SLC22A17: variants seen among roughly 807,000 people sequenced by gnomAD.
SLC22A17 encodes the protein 24p3 receptor.
A neutral mutation model predicts 53.6 loss-of-function variants in SLC22A17; 38 were observed. That is an observed-to-expected ratio of 0.71 (90% CI 0.55 to 0.93). The LOEUF (loss-of-function observed/expected upper bound fraction) is 0.93. Ranked by LOEUF, SLC22A17 falls within the 40% of genes least tolerant of loss-of-function variation. The pLI is 0.00. For synonymous variants in SLC22A17, 379 were observed against 353.0 expected (o/e 1.07, Z -0.82); for missense variants, 704 against 791.0 (o/e 0.89, Z 1.32).
In SLC22A17 at chr14:23,348,199, C is replaced by T. The variant is rs1169765987; in HGVS notation, c.1133G>A (p.Gly378Glu). Residue 378 changes from glycine to glutamate, a missense_variant, in exon 6 of 10, where the codon GGG becomes GAG. Physicochemically the swap from Gly to Glu is moderately conservative, Grantham distance 98. This residue lies in a region of SLC22A17 where 435 missense variants were observed against 529.0 expected (regional missense o/e 0.82). Coordinates refer to ENST00000397267, the Ensembl canonical transcript of SLC22A17. This position sits in a 1 kb window ranked among gnomAD's most constrained non-coding sequence, Gnocchi z 4.5. Reference sequence around the variant, plus strand: ...CTGGGCCTCCTCCCCCAGCATCTGCCCATGGGGCCGGTTTCGCTCAGCCAG... The same window carrying T: ...CTGGGCCTCCTCCCCCAGCATCTGCTCATGGGGCCGGTTTCGCTCAGCCAG... The T allele has an allele frequency of 1.4e-5, 22 of 1,614,150 alleles. No individual in the cohort carries two copies. The highest frequency in any genetic ancestry group is 1.8e-5 in the Non-Finnish European group (21 of 1,180,008).
At position 23,352,468 on chromosome 14, in the gene SLC22A17, G is replaced by A. The variant is rs1889703556; in HGVS notation, c.97-17C>T. On this transcript the variant is annotated splice_polypyrimidine_tract_variant and intron_variant, in intron 1 of 9. Coordinates refer to ENST00000397267, the Ensembl canonical transcript of SLC22A17. This position sits in a 1 kb window ranked among gnomAD's most constrained non-coding sequence, Gnocchi z 7.2. ...CCCGACCTGCTGTTGGGGGGCAGGG[G>A]GTGGCAGGAGAAGGGTGAAGCGGAG... The A allele has an allele frequency of 6.8e-6, 3 of 443,636 alleles. No homozygotes were observed. The highest frequency in any genetic ancestry group is 2.0e-5 in the African/African-American group (1 of 48,816). The allele number at this position is 443,636 out of a possible 1,614,324, so 27.5% of individuals were successfully genotyped here.
rs1889432378 is a variant in SLC22A17 at position 23,348,921 on chromosome 14, A to G, written c.860-250T>C. ...TCCTGGGTGAGTGTTCAACATTTCCAATTTATAGGCCCTTTCCCATCAGGC... is the reference window on the plus strand; with the variant it reads ...TCCTGGGTGAGTGTTCAACATTTCCGATTTATAGGCCCTTTCCCATCAGGC... On this transcript the variant is annotated intron_variant, in intron 4 of 9. Transcript: ENST00000397267. The surrounding 1 kb of genome is among the most constrained non-coding windows in gnomAD (Gnocchi z 4.5). The G allele has an allele frequency of 3.4e-6, 2 of 595,656 alleles. No homozygotes were observed. Among genetic ancestry groups the G allele is most frequent in the Non-Finnish European group, 5.9e-6 (2 of 337,258 alleles). 36.9% of individuals were successfully genotyped at this position (595,656 alleles called of 1,614,324 possible).
chr14:23,347,002 C>T lies in SLC22A17; in HGVS notation c.1662-66G>A. 6.7e-7 allele frequency: 1 copy of T among 1,497,564 alleles called. No homozygotes were observed. The highest frequency in any genetic ancestry group is 8.9e-7 in the Non-Finnish European group (1 of 1,122,948). 92.8% of individuals were successfully genotyped at this position (1,497,564 alleles called of 1,614,324 possible). On this transcript the variant is annotated intron_variant, in intron 9 of 9. Coordinates refer to ENST00000397267, the Ensembl canonical transcript of SLC22A17. This position sits in a 1 kb window ranked among gnomAD's most constrained non-coding sequence, Gnocchi z 5.1. Reference sequence around the variant, plus strand: ...CCTTGCTGGGCCCTTCTCCCGCAGCCCCCCTCCTCCAGCCCGCAGGCCCTG... The same window carrying T: ...CCTTGCTGGGCCCTTCTCCCGCAGCTCCCCTCCTCCAGCCCGCAGGCCCTG...
At position 23,348,920 on chromosome 14, in the gene SLC22A17, C is replaced by T. The variant is rs1595009607; in HGVS notation, c.860-249G>A. ...GTCCTGGGTGAGTGTTCAACATTTCCAATTTATAGGCCCTTTCCCATCAGG... is the reference window on the plus strand; with the variant it reads ...GTCCTGGGTGAGTGTTCAACATTTCTAATTTATAGGCCCTTTCCCATCAGG... On this transcript the variant is annotated intron_variant, in intron 4 of 9. Transcript: ENST00000397267. The surrounding 1 kb of genome is among the most constrained non-coding windows in gnomAD (Gnocchi z 4.5). 5.0e-6 allele frequency: 3 copies of T among 596,344 alleles called. No homozygotes were observed. Among genetic ancestry groups the T allele is most frequent in the East Asian group, 5.6e-5 (2 of 35,906 alleles). 36.9% of individuals were successfully genotyped at this position (596,344 alleles called of 1,614,324 possible). A position where few individuals can be genotyped will look rare whatever the true frequency, so the allele number is the denominator to read the frequency against.
intron 3 of SLC22A17, 92 bp downstream of exon 3, chr14:23,351,660 C>G: frequency 9.8e-7 from 1 of 1,017,376 alleles, no homozygotes; most frequent in Non-Finnish European, 1.5e-6. Flanking sequence ...TCCAGCGAAT[C>G]GTCTTCGACC....
Position 23,347,393 on chromosome 14 carries a change from G to A in SLC22A17, c.1549+67C>T. 6.4e-7 allele frequency: 1 copy of A among 1,570,564 alleles called. No individual in the cohort carries two copies. The highest frequency in any genetic ancestry group is 8.6e-7 in the Non-Finnish European group (1 of 1,157,126). On this transcript the variant is annotated intron_variant, in intron 8 of 9. Transcript: ENST00000397267. This position sits in a 1 kb window ranked among gnomAD's most constrained non-coding sequence, Gnocchi z 5.1. ...CCAGGTGGAGGCTCGTGGAAGAGCT[G>A]GGCAGGGTCTGGGGCTTGTCTTGGG...
In SLC22A17 at chr14:23,347,550, C is replaced by A; in HGVS notation, c.1459G>T (p.Gly487Cys). The change falls in exon 8 of 10, where the codon GGC becomes TGC. Residue 487 changes from glycine to cysteine, a missense_variant. By Grantham distance (159) the Gly-to-Cys change is radical (BLOSUM62 -3). This residue lies in a region of SLC22A17 where 435 missense variants were observed against 529.0 expected (regional missense o/e 0.82). Transcript: ENST00000397267. The surrounding 1 kb of genome is among the most constrained non-coding windows in gnomAD (Gnocchi z 5.1). ...CCCAGCAGGACCAGGGAAGCAATGC[C>A]GGTAAGGGTCATGGAGAGAAGAAGG... is the stretch of plus-strand genomic sequence containing the variant. The A allele has an allele frequency of 6.2e-7, 1 of 1,614,044 alleles. No individual in the cohort carries two copies. Among genetic ancestry groups the A allele is most frequent in the South Asian group, 1.1e-5 (1 of 91,088 alleles).
Position 23,348,476 on chromosome 14 carries a change from G to A in SLC22A17, c.1025+30C>T, listed in dbSNP as rs1169233061. 6.2e-7 allele frequency: 1 copy of A among 1,604,170 alleles called. No individual in the cohort carries two copies. The highest frequency in any genetic ancestry group is 2.2e-5 in the East Asian group (1 of 44,758). ...TAGTTTGGAGGCAGAGATGGGAATT[G>A]CCAGACGACAGGTGAAGGGTAATAC... On this transcript the variant is annotated intron_variant, in intron 5 of 9. Transcript: ENST00000397267. The surrounding 1 kb of genome is among the most constrained non-coding windows in gnomAD (Gnocchi z 4.5).
In SLC22A17 at chr14:23,348,814, A is replaced by G. The variant is rs1834036489; in HGVS notation, c.860-143T>C. 2.3e-6 allele frequency: 2 copies of G among 873,646 alleles called. No individual in the cohort carries two copies. The highest frequency in any genetic ancestry group is 3.4e-6 in the Non-Finnish European group (2 of 586,598). 54.1% of individuals were successfully genotyped at this position (873,646 alleles called of 1,614,324 possible). A position where few individuals can be genotyped will look rare whatever the true frequency, so the allele number is the denominator to read the frequency against. ...GCTGCAGCCATTGCCTCCCTTGCTA[A>G]CCTCTGGGTGGCAAGGACTGGGGAG... On this transcript the variant is annotated intron_variant, in intron 4 of 9. Coordinates refer to ENST00000397267, the Ensembl canonical transcript of SLC22A17. This position sits in a 1 kb window ranked among gnomAD's most constrained non-coding sequence, Gnocchi z 4.5.
intron 3 of SLC22A17, 104 bp from the exon 4 acceptor site, chr14:23,349,530 A>G: frequency 7.4e-7 from 1 of 1,346,060 alleles, no homozygotes; most frequent in Non-Finnish European, 1.0e-6. Context: ...ATGAGAATGA[A>G]GTTCTGGGAG....
At position 23,347,762 on chromosome 14, in the gene SLC22A17, G is replaced by A. The variant is rs779632088; in HGVS notation, c.1278-31C>T. ...AGAAGGGGTGGGGAAGCAACGAACA[G>A]AGCCTGAATCCCCTCCCGCAGCCTT... On this transcript the variant is annotated intron_variant, in intron 7 of 9. Coordinates refer to ENST00000397267, the Ensembl canonical transcript of SLC22A17. This position sits in a 1 kb window ranked among gnomAD's most constrained non-coding sequence, Gnocchi z 5.1. 1 of 1,611,158 alleles carries A rather than the reference G, an allele frequency of 6.2e-7. No homozygotes were observed. Among genetic ancestry groups the A allele is most frequent in the Admixed American group, 1.7e-5 (1 of 59,962 alleles).
chr14:23,346,564 C>G (rs989467735), exon 10 of SLC22A17: 83 of 1,412,058 alleles, frequency 5.9e-5, no homozygotes, highest in Non-Finnish European at 7.0e-5. Context: ...TTCTGGGCAG[C>G]CCTGCCTTCC....
In SLC22A17 at chr14:23,348,655, G is replaced by T. The variant is rs1286121590; in HGVS notation, c.876C>A (p.Asp292Glu). 2 of 1,612,446 alleles carry T rather than the reference G, an allele frequency of 1.2e-6. No individual in the cohort carries two copies. The highest frequency in any genetic ancestry group is 1.7e-5 in the Admixed American group (1 of 59,838). ...GGGCCACCCGAAGCCTCTGGGTTGGGTCGCACAGCTCCAGGCCTGGAGATA... is the reference window on the plus strand; with the variant it reads ...GGGCCACCCGAAGCCTCTGGGTTGGTTCGCACAGCTCCAGGCCTGGAGATA... The change falls in exon 5 of 10, where the codon GAC becomes GAA. Residue 292 changes from aspartate (D) to glutamate (E), a missense_variant. Physicochemically the swap from Asp to Glu is conservative, Grantham distance 45 (BLOSUM62 2). Transcript: ENST00000397267. This position sits in a 1 kb window ranked among gnomAD's most constrained non-coding sequence, Gnocchi z 4.5.
At position 23,348,749 on chromosome 14, in the gene SLC22A17, AG is replaced by A; in HGVS notation, c.860-79del. On this transcript the variant is annotated intron_variant, in intron 4 of 9. Transcript: ENST00000397267. The surrounding 1 kb of genome is among the most constrained non-coding windows in gnomAD (Gnocchi z 4.5). ...GCATAAGAGAGAAGAAGAAAGAGGG[AG>A]GGAGGAGGACAGAGAGAGAGGTCAG... is the stretch of plus-strand genomic sequence containing the variant. 7.0e-7 allele frequency: 1 copy of A among 1,432,704 alleles called. No individual in the cohort carries two copies. The allele number at this position is 1,432,704 out of a possible 1,614,324, so 88.7% of individuals were successfully genotyped here.
chr14:23,352,073 C>T lies in SLC22A17; in HGVS notation c.475G>A (p.Ala159Thr). Residue 159 changes from alanine (A) to threonine (T), a missense_variant, in exon 2 of 10, where the codon GCC becomes ACC. Physicochemically the swap from Ala to Thr is moderately conservative, Grantham distance 58. This residue lies in a region of SLC22A17 where 435 missense variants were observed against 529.0 expected (regional missense o/e 0.82). Transcript: ENST00000397267. The surrounding 1 kb of genome is among the most constrained non-coding windows in gnomAD (Gnocchi z 7.2). ...TCGGTACTGGTGGCGACACGGCTGG[C>T]GGCGCTGGCTGCTAGGGCAGCGCTG... 1.3e-6 allele frequency: 2 copies of T among 1,597,966 alleles called. No homozygotes were observed. The highest frequency in any genetic ancestry group is 1.7e-6 in the Non-Finnish European group (2 of 1,173,150).
chr14:23,347,556 G>A lies in SLC22A17; in HGVS notation c.1453C>T (p.Leu485Phe). The change falls in exon 8 of 10, where the codon CTT (leucine) becomes TTT (phenylalanine). Residue 485 changes from leucine to phenylalanine, a missense_variant. Physicochemically the swap from Leu to Phe is conservative, Grantham distance 22. Around this residue, in one of 4 missense-constraint regions of SLC22A17, gnomAD observed 435 missense variants for 529.0 expected, o/e 0.82. Transcript: ENST00000397267. This position sits in a 1 kb window ranked among gnomAD's most constrained non-coding sequence, Gnocchi z 5.1. ...AGGACCAGGGAAGCAATGCCGGTAAGGGTCATGGAGAGAAGAAGGATGCCC... is the reference window on the plus strand; with the variant it reads ...AGGACCAGGGAAGCAATGCCGGTAAAGGTCATGGAGAGAAGAAGGATGCCC... 6.2e-7 allele frequency: 1 copy of A among 1,614,062 alleles called. No homozygotes were observed. The highest frequency in any genetic ancestry group is 8.5e-7 in the Non-Finnish European group (1 of 1,179,992).
Position 23,347,150 on chromosome 14 carries a change from C to T in SLC22A17, c.1612G>A (p.Ala538Thr), listed in dbSNP as rs745343728. The T allele has an allele frequency of 1.9e-6, 3 of 1,613,920 alleles. No homozygotes were observed. The highest frequency in any genetic ancestry group is 2.2e-5 in the East Asian group (1 of 44,876). Residue 538 changes from alanine to threonine, a missense_variant, in exon 9 of 10, where the codon GCC (alanine) becomes ACC (threonine). By Grantham distance (58) the Ala-to-Thr change is moderately conservative. Coordinates refer to ENST00000397267, the Ensembl canonical transcript of SLC22A17. This position sits in a 1 kb window ranked among gnomAD's most constrained non-coding sequence, Gnocchi z 5.1. ...GCAGCAAGGAGGGTGCTGAGGATGG[C>T]GGCAGCTTGGGAGGAGAAGAGCCCA...
Position 23,347,341 on chromosome 14 carries a change from A to G in SLC22A17, c.1549+119T>C. On this transcript the variant is annotated intron_variant, in intron 8 of 9. Transcript: ENST00000397267. This position sits in a 1 kb window ranked among gnomAD's most constrained non-coding sequence, Gnocchi z 5.1. Reference sequence around the variant, plus strand: ...GCAGGCTCTGGGCATTCAGTAATTGACTGGGAGAGCAGATGGGGCTGTGGG... The same window carrying G: ...GCAGGCTCTGGGCATTCAGTAATTGGCTGGGAGAGCAGATGGGGCTGTGGG... 1 of 1,486,106 alleles carries G rather than the reference A, an allele frequency of 6.7e-7. No homozygotes were observed. Among genetic ancestry groups the G allele is most frequent in the Non-Finnish European group, 9.1e-7 (1 of 1,099,672 alleles). The allele number at this position is 1,486,106 out of a possible 1,614,324, so 92.1% of individuals were successfully genotyped here. A position where few individuals can be genotyped will look rare whatever the true frequency, so the allele number is the denominator to read the frequency against.
chr14:23,346,950 G>C lies in SLC22A17; in HGVS notation c.1662-14C>G. ...AGGCCACGGCCCCTGGGGGGAGACA[G>C]AGGAGGAGCTCAGCCCACAGCTGTA... On this transcript the variant is annotated splice_polypyrimidine_tract_variant and intron_variant, in intron 9 of 9. Coordinates refer to ENST00000397267, the Ensembl canonical transcript of SLC22A17. 1 of 1,525,734 alleles carries C rather than the reference G, an allele frequency of 6.6e-7. No individual in the cohort carries two copies. The highest frequency in any genetic ancestry group is 8.8e-7 in the Non-Finnish European group (1 of 1,140,870). 94.5% of individuals were successfully genotyped at this position (1,525,734 alleles called of 1,614,324 possible).
Sources: allele counts gnomAD v4.1 joint callset, GRCh38; gene constraint gnomAD v4.1.1; regional missense constraint gnomAD v4.1.1; non-coding constraint Gnocchi (gnomAD v3.1); transcripts MANE v1.5; gene names NCBI Gene and HGNC (gene_info 2026-07-23, HGNC 2026-07-21).